Variants in HSPA12A observed in about 807,000 individuals in gnomAD.
HSPA12A encodes heat shock 70 kDa protein 12A.
A neutral mutation model predicts 69.2 loss-of-function variants in HSPA12A; 28 were observed. The ratio of observed to expected loss-of-function variants is 0.40; its 90% confidence interval spans 0.30 to 0.55. HSPA12A has a LOEUF of 0.55. Ranked by LOEUF, HSPA12A falls within the 20% of genes least tolerant of loss-of-function variation. The probability of loss-of-function intolerance (pLI) is 0.38; values close to 1 mark genes in which losing one functional copy is unlikely to be tolerated. For missense variants in HSPA12A, 686 were observed against 900.7 expected, an observed-to-expected ratio of 0.76 and a Z score of 3.05; for synonymous variants, 345 against 370.5, an observed-to-expected ratio of 0.93 and a Z score of 0.79.
At position 116,722,206 on chromosome 10, in the gene HSPA12A, G is replaced by A. The variant is rs577175091; in HGVS notation, c.41-14921C>T. ...AATCAGCGGCCATCTCCTCTGCAGAGAGGAATGCTCCAGACGGGTCAGGCG... is the reference window on the plus strand; with the variant it reads ...AATCAGCGGCCATCTCCTCTGCAGAAAGGAATGCTCCAGACGGGTCAGGCG... On this transcript the variant is annotated intron_variant, in intron 1 of 11. Coordinates refer to ENST00000369209, the MANE Select transcript of HSPA12A (RefSeq NM_025015.3). Among the ~76,000 whole-genome samples, 32 of 152,300 alleles carry A rather than the reference G, an allele frequency of 2.1e-4. No individual in the cohort carries two copies. The South Asian group carries it at 6.6e-3, about 32-fold the overall frequency.
At chr10:116,777,240 C>T (rs1191859893) in intron 2 of HSPA12A, among the ~76,000 whole-genome samples, 1 of 152,218 alleles carries the variant, frequency 6.6e-6, no homozygotes, top group Non-Finnish European at 1.5e-5. Flanking sequence ...CCCATTTATG[C>T]CCCTTGGGAA....
rs1447063518 is a variant in HSPA12A, at chr10:116,674,598, T to C, written c.*183A>G. The stretch of plus-strand genomic sequence containing the variant: ...CCTAAACCTTAATCTTAATTTCTGT[T>C]TTTCTGACTCCAGTGTGCCCTCAAA... On this transcript the variant is annotated 3_prime_UTR_variant, in exon 12 of 12. Coordinates refer to ENST00000369209, the MANE Select transcript of HSPA12A (RefSeq NM_025015.3). The C allele has an allele frequency of 1.4e-5, 9 of 635,282 alleles. No individual in the cohort carries two copies. In the East Asian group the frequency reaches 2.5e-4, roughly 17 times the overall value. The allele number at this position is 635,282 out of a possible 1,614,324, so 39.4% of individuals were successfully genotyped here. A position where few individuals can be genotyped will look rare whatever the true frequency, so the allele number is the denominator to read the frequency against.
intron 1 of HSPA12A, among the ~76,000 whole-genome samples, chr10:116,719,276 G>C (rs577535109): frequency 1.2e-4 from 19 of 152,344 alleles, no homozygotes; most frequent in African/African-American, 4.1e-4. Context: ...TGGGACATGA[G>C]AGGAAGTCGG....
chr10:116,808,061 C>A (rs1404073603), intron 2 of HSPA12A, among the ~76,000 whole-genome samples: 2 of 152,158 alleles, frequency 1.3e-5, no homozygotes, highest in Admixed American at 6.5e-5. Context: ...TTTCTGAGGA[C>A]GCTGGTCCCC....
intron 2 of HSPA12A, among the ~76,000 whole-genome samples, chr10:116,821,177 A>G (rs947875053): frequency 6.6e-6 from 1 of 152,216 alleles, no homozygotes; most frequent in Non-Finnish European, 1.5e-5. Context: ...TACAGAATGT[A>G]AGATCGTGTC....
At chr10:116,683,671 C>G (rs1849483249) in intron 7 of HSPA12A, 120 bp downstream of exon 7, 2 of 1,062,288 alleles carry the variant, frequency 1.9e-6, no homozygotes. Context: ...CCCACCTCCT[C>G]CCGGAGTATC....
chr10:116,713,567 A>C (rs1238793467), intron 1 of HSPA12A, among the ~76,000 whole-genome samples: 3 of 152,120 alleles, frequency 2.0e-5, no homozygotes, highest in Non-Finnish European at 4.4e-5. Context: ...CAAGAGATGA[A>C]ATGTCGCAGG....
intron 2 of HSPA12A, among the ~76,000 whole-genome samples, chr10:116,794,099 G>T (rs1385593426): frequency 6.6e-6 from 1 of 152,032 alleles, no homozygotes; most frequent in Non-Finnish European, 1.5e-5. Flanking sequence ...GCTATACTCG[G>T]GTGGCTGAGG....
intron 9 of HSPA12A, 127 bp downstream of exon 9, chr10:116,681,025 C>T: frequency 1.5e-6 from 1 of 648,932 alleles, no homozygotes; most frequent in East Asian, 2.7e-5. Flanking sequence ...TAGTATCCTC[C>T]ACCGCCTACG....
intron 1 of HSPA12A, among the ~76,000 whole-genome samples, chr10:116,836,437 ACT>A (rs984779857): frequency 6.6e-6 from 1 of 151,664 alleles, no homozygotes; most frequent in African/African-American, 2.4e-5. Flanking sequence ...CCTTTCTCCC[ACT>A]CTCTTTCTCT....
In HSPA12A at chr10:116,692,425, C is replaced by T; in HGVS notation, c.589G>A (p.Val197Ile). The T allele has an allele frequency of 6.2e-7, 1 of 1,614,170 alleles. No individual in the cohort carries two copies. Among genetic ancestry groups the T allele is most frequent in the Non-Finnish European group, 8.5e-7 (1 of 1,180,044 alleles). The change falls in exon 6 of 12, where the codon GTC (valine) becomes ATC (isoleucine). Residue 197 changes from valine to isoleucine, a missense_variant. Val to Ile is a conservative substitution (Grantham distance 29). Coordinates refer to ENST00000369209, the MANE Select transcript of HSPA12A (RefSeq NM_025015.3). ...GCAGGCACCGTGATGACCCATCTGACATCAGAGTTCTCGAACTCCGAACCC... is the reference window on the plus strand; with the variant it reads ...GCAGGCACCGTGATGACCCATCTGATATCAGAGTTCTCGAACTCCGAACCC... ...QAGSEFENSD[V>I]RWVITVPAIW...
At chr10:116,817,478 C>A (rs563820403) in intron 2 of HSPA12A, among the ~76,000 whole-genome samples, 2 of 140,978 alleles carry the variant, frequency 1.4e-5, no homozygotes, top group Admixed American at 1.5e-4. Context: ...GTCTTCTATT[C>A]GCTCGGTTCA....
chr10:116,752,444 C>T (rs75146186), intron 2 of HSPA12A, among the ~76,000 whole-genome samples: 2,351 of 152,220 alleles, frequency 0.015, 67 homozygotes, highest in African/African-American at 0.054. Flanking sequence ...TCATCCTATC[C>T]GTCAATCATT....
intron 1 of HSPA12A, among the ~76,000 whole-genome samples, chr10:116,837,477 C>T (rs1845734598): frequency 6.6e-6 from 1 of 152,154 alleles, no homozygotes; most frequent in Non-Finnish European, 1.5e-5. Flanking sequence ...AAGGCAAAAA[C>T]ATCTGCCTAC....
At chr10:116,754,925 T>A (rs1221193396) in intron 2 of HSPA12A, among the ~76,000 whole-genome samples, 1 of 152,202 alleles carries the variant, frequency 6.6e-6, no homozygotes, top group African/African-American at 2.4e-5. Context: ...CTCTTAGAAA[T>A]TATGTCAAAA....
Position 116,714,448 on chromosome 10 carries a change from C to A in HSPA12A, c.41-7163G>T, listed in dbSNP as rs114631665. On this transcript the variant is annotated intron_variant, in intron 1 of 11. Transcript: ENST00000369209. ...CTACCCCCAAGCCCTATCACTCCTTCTAATTAGCATCTCTTGCATTCGCTG... is the reference window on the plus strand; with the variant it reads ...CTACCCCCAAGCCCTATCACTCCTTATAATTAGCATCTCTTGCATTCGCTG... Among the ~76,000 whole-genome samples the A allele has an allele frequency of 5.8e-3, 876 of 152,244 alleles. 7 individuals carry two copies. The highest frequency in any genetic ancestry group is 0.02 in the African/African-American group (832 of 41,546).
At chr10:116,707,823 C>T (rs2240705) in intron 1 of HSPA12A, among the ~76,000 whole-genome samples, 53,762 of 151,992 alleles carry the variant, frequency 0.35, 10,493 homozygotes, top group African/African-American at 0.52. Flanking sequence ...GCAGATGCAC[C>T]AGCTCCTCCC....
rs112972002 is a variant in HSPA12A, at chr10:116,816,604, C to T, written c.91+18331G>A. 9.8e-3 allele frequency among the ~76,000 whole-genome samples: 1,497 copies of T among 152,280 alleles called. 19 individuals are homozygous for T. Among genetic ancestry groups the T allele is most frequent in the African/African-American group, 0.033 (1,391 of 41,560 alleles). ...GACACACAGCTCCTGAAAGCTTAAC[C>T]GGCGCCGTCCTGCTCACGTAAAACA... On this transcript the variant is annotated intron_variant, in intron 2 of 12. Coordinates refer to the HSPA12A transcript ENST00000635765.
intron 2 of HSPA12A, among the ~76,000 whole-genome samples, chr10:116,815,240 C>A (rs1421972366): frequency 9.1e-6 from 1 of 109,436 alleles, no homozygotes; most frequent in African/African-American, 3.8e-5. Flanking sequence ...TGCCTCAGAT[C>A]CAAAAGACAA....
Sources: gnomAD v4.1 joint callset for allele counts (sites outside exome capture counted in the v4.1 genomes callset) on GRCh38, gnomAD v4.1.1 for gene constraint, MANE v1.5 for transcripts, NCBI Gene and HGNC (gene_info 2026-07-23, HGNC 2026-07-21) for gene names.